LRRTM3: variants seen among roughly 807,000 people sequenced by gnomAD.
LRRTM3 encodes the protein leucine rich repeat transmembrane neuronal 3, also known as leucine-rich repeat transmembrane neuronal protein 3.
In LRRTM3, 24 loss-of-function variants were observed where a neutral mutation model predicts 44.7. That is an observed-to-expected ratio of 0.54 (90% CI 0.39 to 0.76). The LOEUF (loss-of-function observed/expected upper bound fraction) is 0.76. Ranked by LOEUF, LRRTM3 falls within the 30% of genes least tolerant of loss-of-function variation. The pLI, the probability that LRRTM3 is intolerant of heterozygous loss-of-function variation, is 0.00. For synonymous variants in LRRTM3, 277 were observed against 278.7 expected (o/e 0.99, Z 0.06); for missense variants, 587 against 702.2 (o/e 0.84, Z 1.85).
At chr10:66,931,903 G>T (rs1046761901) in intron 2 of LRRTM3, among the ~76,000 whole-genome samples, 1 of 152,066 alleles carries the variant, frequency 6.6e-6, no homozygotes, top group Non-Finnish European at 1.5e-5. Context: ...TATTAAAGGG[G>T]TTAATATTTT....
intron 2 of LRRTM3, among the ~76,000 whole-genome samples, chr10:67,084,854 T>C (rs2131889869): frequency 6.6e-6 from 1 of 152,116 alleles, no homozygotes; most frequent in East Asian, 1.9e-4. Context: ...ATTCAGGTTA[T>C]AGATTAGCAG....
At chr10:67,042,853 A>T (rs539865120) in intron 2 of LRRTM3, among the ~76,000 whole-genome samples, 1 of 152,224 alleles carries the variant, frequency 6.6e-6, no homozygotes, top group African/African-American at 2.4e-5. Flanking sequence ...AAATGTGAGG[A>T]ATAGGAGGTA....
chr10:67,011,478 C>T (rs1410475897), intron 2 of LRRTM3, among the ~76,000 whole-genome samples: 7 of 152,124 alleles, frequency 4.6e-5, no homozygotes, highest in Admixed American at 4.6e-4. Flanking sequence ...CCAGAAAGTG[C>T]TTTACAGTGC....
chr10:67,071,446 A>G (rs779916071), intron 2 of LRRTM3, among the ~76,000 whole-genome samples: 1 of 149,060 alleles, frequency 6.7e-6, no homozygotes, highest in Non-Finnish European at 1.5e-5. Context: ...CATTTCATTT[A>G]TCTTCTCACT....
At chr10:66,963,684 G>C (rs1029156688) in intron 2 of LRRTM3, among the ~76,000 whole-genome samples, 2 of 151,980 alleles carry the variant, frequency 1.3e-5, no homozygotes, top group Non-Finnish European at 2.9e-5. Context: ...GTCGAAAACA[G>C]GTTCCAAAAT....
intron 2 of LRRTM3, among the ~76,000 whole-genome samples, chr10:67,020,572 G>T (rs532987643): frequency 6.6e-6 from 1 of 152,058 alleles, no homozygotes; most frequent in African/African-American, 2.4e-5. Flanking sequence ...ACTAAATTTT[G>T]TTATGTCTTA....
At chr10:67,001,184 C>T (rs145459557) in intron 2 of LRRTM3, among the ~76,000 whole-genome samples, 5,493 of 150,908 alleles carry the variant, frequency 0.036, 150 homozygotes, top group East Asian at 0.13. Context: ...GCCTGTAATC[C>T]CAGCTACTCG....
intron 2 of LRRTM3, among the ~76,000 whole-genome samples, chr10:66,997,377 CTG>C: frequency 6.6e-6 from 1 of 152,110 alleles, no homozygotes; most frequent in Non-Finnish European, 1.5e-5. Context: ...ATTAATTTAC[CTG>C]TGTTAAATTG....
intron 2 of LRRTM3, among the ~76,000 whole-genome samples, chr10:66,957,431 T>TATATATATATATATGC (rs1848873491): frequency 8.4e-6 from 1 of 118,542 alleles, no homozygotes; most frequent in Non-Finnish European, 1.8e-5. Flanking sequence ...TATATATGCA[T>TATATATATATATATGC]ATATATATAT....
intron 2 of LRRTM3, among the ~76,000 whole-genome samples, chr10:67,073,037 C>T (rs965584166): frequency 3.9e-5 from 6 of 152,188 alleles, no homozygotes; most frequent in South Asian, 4.1e-4. Context: ...AGACACCTTC[C>T]GCCTAGGCCC....
chr10:66,985,999 T>C (rs189193885), intron 2 of LRRTM3, among the ~76,000 whole-genome samples: 1 of 152,278 alleles, frequency 6.6e-6, no homozygotes, highest in East Asian at 1.9e-4. Context: ...GTGCTGGGAT[T>C]ACAGGCGTGA....
intron 2 of LRRTM3, among the ~76,000 whole-genome samples, chr10:67,066,489 C>T (rs1346472517): frequency 6.7e-6 from 1 of 150,222 alleles, no homozygotes; most frequent in East Asian, 2.0e-4. Flanking sequence ...CCGCACCTGG[C>T]CAAGTCCCTT....
intron 2 of LRRTM3, among the ~76,000 whole-genome samples, chr10:67,033,253 T>A (rs1037494356): frequency 6.6e-6 from 1 of 152,162 alleles, no homozygotes; most frequent in African/African-American, 2.4e-5. Flanking sequence ...TGAGGCAAAG[T>A]GTTATGTGAG....
chr10:67,070,815 A>G (rs1287144184), intron 2 of LRRTM3, among the ~76,000 whole-genome samples: 1 of 151,934 alleles, frequency 6.6e-6, no homozygotes, highest in Non-Finnish European at 1.5e-5. Flanking sequence ...TTTTTCTGCT[A>G]TGTTTTCCTC....
At chr10:67,049,267 A>C (rs1854944155) in intron 2 of LRRTM3, among the ~76,000 whole-genome samples, 1 of 152,110 alleles carries the variant, frequency 6.6e-6, no homozygotes, top group South Asian at 2.1e-4. Context: ...CTGATAAGGT[A>C]AGAGGTCTAT....
intron 2 of LRRTM3, among the ~76,000 whole-genome samples, chr10:66,962,843 A>G (rs1849194917): frequency 6.6e-6 from 1 of 152,108 alleles, no homozygotes; most frequent in Non-Finnish European, 1.5e-5. Flanking sequence ...ATAATATAGT[A>G]CTTATTTTAT....
rs575837338 is a variant in LRRTM3 at position 67,049,593 on chromosome 10, G to A, written c.1537-47994G>A. Among the ~76,000 whole-genome samples, 4 of 151,846 alleles carry A rather than the reference G, an allele frequency of 2.6e-5. No homozygotes were observed. In the East Asian group the frequency reaches 7.7e-4, roughly 29 times the overall value. On this transcript the variant is annotated intron_variant, in intron 2 of 2. Transcript: ENST00000361320. ...CACAAGGTTGCTTTGTGTTTAACTTGAACAAAAAAGGGAAAATAAACAACA... is the reference window on the plus strand; with the variant it reads ...CACAAGGTTGCTTTGTGTTTAACTTAAACAAAAAAGGGAAAATAAACAACA...
intron 2 of LRRTM3, among the ~76,000 whole-genome samples, chr10:67,045,238 T>C (rs1052231781): frequency 6.6e-6 from 1 of 152,178 alleles, no homozygotes; most frequent in African/African-American, 2.4e-5. Flanking sequence ...CCAACATTTA[T>C]TAAATACCTG....
At chr10:67,018,304 C>T (rs1286786137) in intron 2 of LRRTM3, among the ~76,000 whole-genome samples, 3 of 152,160 alleles carry the variant, frequency 2.0e-5, no homozygotes, top group African/African-American at 4.8e-5. Flanking sequence ...TTACTCTTCG[C>T]TTTCACCCAT....
Sources: allele counts gnomAD v4.1 joint callset (sites outside exome capture counted in the v4.1 genomes callset), GRCh38; gene constraint gnomAD v4.1.1; transcripts MANE v1.5; gene names NCBI Gene and HGNC (gene_info 2026-07-23, HGNC 2026-07-21).